The following ELAVL1 variants were observed in gnomAD, a reference collection of about 807,000 sequenced individuals.
The protein encoded by ELAVL1 is ELAV-like protein 1.
In ELAVL1, 1 loss-of-function variant was observed where a neutral mutation model predicts 28.4. The ratio of observed to expected loss-of-function variants is 0.04; its 90% CI spans 0.01 to 0.17. ELAVL1 has a LOEUF of 0.17. Among genes scored for constraint, ELAVL1 ranks in the 10% least tolerant of loss-of-function variants. The pLI is 1.00. For synonymous variants in ELAVL1, 174 were observed against 183.5 expected, an observed-to-expected ratio of 0.95 and a Z score of 0.42; for missense variants, 157 against 447.2, an observed-to-expected ratio of 0.35 and a Z score of 5.85.
At chr19:7,997,490 G>A (rs2081053569) in intron 1 of ELAVL1, among the ~76,000 whole-genome samples, 1 of 152,184 alleles carries the variant, frequency 6.6e-6, no homozygotes, top group Admixed American at 6.5e-5. Context: ...GGAGTGAGGG[G>A]AAAAGTCGAT....
rs1408661217 is a variant in ELAVL1 at position 7,967,445 on chromosome 19, T to C, written c.656+120A>G. The C allele has an allele frequency of 3.5e-6, 4 of 1,152,088 alleles. No individual in the cohort carries two copies. In the East Asian group the frequency reaches 7.7e-5, roughly 22 times the overall value. 71.4% of individuals were successfully genotyped at this position (1,152,088 alleles called of 1,614,324 possible). ...GTGGTGTGGAGCTGCAGAATGATTCTGAAACGCGCTCTCTGACGGGATCAG... is the reference window on the plus strand; with the variant it reads ...GTGGTGTGGAGCTGCAGAATGATTCCGAAACGCGCTCTCTGACGGGATCAG... On this transcript the variant is annotated intron_variant, in intron 5 of 5. Transcript: ENST00000407627.
At position 7,963,851 on chromosome 19, in the gene ELAVL1, G is replaced by A. The variant is rs779955268; in HGVS notation, c.657-44C>T. ...GCGTCAGGCCACGGTCAGCGCAGGC[G>A]GCCTGGGGATGGGGCAAGGCCTGGA... On this transcript the variant is annotated intron_variant, in intron 5 of 5. Coordinates refer to ENST00000407627, the MANE Select transcript of ELAVL1 (RefSeq NM_001419.3). The surrounding 1 kb of genome is among the most constrained non-coding windows in gnomAD (Gnocchi z 4.5). 4.3e-5 allele frequency: 68 copies of A among 1,585,074 alleles called. No individual in the cohort carries two copies. The highest frequency in any genetic ancestry group is 7.0e-5 in the Admixed American group (4 of 57,122).
chr19:7,964,289 C>G (rs1371212246), intron 5 of ELAVL1, among the ~76,000 whole-genome samples: 32 of 152,116 alleles, frequency 2.1e-4, no homozygotes, highest in Admixed American at 2.1e-3. Context: ...CGTTGACAGC[C>G]CAGTGGTCTC....
At chr19:7,991,909 G>C in intron 1 of ELAVL1, 78 bp from the exon 2 acceptor site, 1 of 1,099,382 alleles carries the variant, frequency 9.1e-7, no homozygotes, top group Admixed American at 3.1e-5. Flanking sequence ...AACTGCATTT[G>C]CACTTAGAGA....
intron 1 of ELAVL1, among the ~76,000 whole-genome samples, chr19:8,005,242 G>A (rs920018916): frequency 1.3e-5 from 2 of 151,792 alleles, no homozygotes; most frequent in African/African-American, 2.4e-5. Flanking sequence ...CCCGGCGCAT[G>A]CCCACGCCGT....
At position 7,959,370 on chromosome 19, in the gene ELAVL1, AAG is replaced by A. The variant is rs1241263799; in HGVS notation, c.*4111_*4112del. On this transcript the variant is annotated 3_prime_UTR_variant, in exon 6 of 6. Transcript: ENST00000407627. ...CTACTGTACAACATGGGAATCGGTT[AAG>A]AGAGCCTCCCCTCCCCCAAAGCAAG... 6.6e-6 allele frequency: 1 copy of A among 152,644 alleles called. No individual in the cohort carries two copies. The highest frequency in any genetic ancestry group is 2.4e-5 in the African/African-American group (1 of 41,442). 9.5% of individuals were successfully genotyped at this position (152,644 alleles called of 1,614,324 possible).
intron 2 of ELAVL1, among the ~76,000 whole-genome samples, chr19:7,989,606 A>G (rs1483263446): frequency 6.6e-6 from 1 of 152,240 alleles, no homozygotes; most frequent in Middle Eastern, 3.2e-3. Flanking sequence ...AGGAATATCA[A>G]GGAAAATTCC....
chr19:7,969,517 G>T (rs1192156973), intron 4 of ELAVL1, among the ~76,000 whole-genome samples: 1 of 152,168 alleles, frequency 6.6e-6, no homozygotes, highest in Non-Finnish European at 1.5e-5. Context: ...AATATTCTGG[G>T]GCTCAAGCTC....
intron 5 of ELAVL1, 31 bp downstream of exon 5, chr19:7,967,525 CTAAGTATGG>C: frequency 6.3e-7 from 1 of 1,599,364 alleles, no homozygotes; most frequent in Non-Finnish European, 8.5e-7. Flanking sequence ...GCCAGCGGGG[CTAAGTATGG>C]CTTTCAGGAG....
intron 1 of ELAVL1, among the ~76,000 whole-genome samples, chr19:7,992,392 T>G (rs577897123): frequency 6.6e-6 from 1 of 152,286 alleles, no homozygotes; most frequent in East Asian, 1.9e-4. Context: ...ACAGACTCCA[T>G]TCATGTGGTT....
chr19:7,980,156 T>TC (rs1283996499), intron 3 of ELAVL1, among the ~76,000 whole-genome samples: 1 of 152,126 alleles, frequency 6.6e-6, no homozygotes, highest in East Asian at 1.9e-4. Flanking sequence ...AGAGAGGGGA[T>TC]TCTGGCCGGG....
At chr19:8,001,399 C>T (rs767686884) in intron 1 of ELAVL1, among the ~76,000 whole-genome samples, 1 of 152,182 alleles carries the variant, frequency 6.6e-6, no homozygotes, top group African/African-American at 2.4e-5. Context: ...CCTGCCACCT[C>T]TCTGCCACCA....
In ELAVL1 at chr19:7,979,193, TGCAGAACTA is replaced by T. The variant is rs987025529; in HGVS notation, c.276+1881_276+1889del. Reference sequence around the variant, plus strand: ...CGTCCCCATGAGGCTGGCCTGTTTCTGCAGAACTAGGACAGTGGTGTGAAGCCACTGAGA... The same window carrying T: ...CGTCCCCATGAGGCTGGCCTGTTTCTGGACAGTGGTGTGAAGCCACTGAGA... On this transcript the variant is annotated intron_variant, in intron 3 of 5. Coordinates refer to ENST00000407627, the MANE Select transcript of ELAVL1 (RefSeq NM_001419.3). This position sits in a 1 kb window ranked among gnomAD's most constrained non-coding sequence, Gnocchi z 5.4. 1.3e-5 allele frequency among the ~76,000 whole-genome samples: 2 copies of T among 152,226 alleles called. No homozygotes were observed. Among genetic ancestry groups the T allele is most frequent in the Non-Finnish European group, 2.9e-5 (2 of 68,032 alleles).
intron 1 of ELAVL1, among the ~76,000 whole-genome samples, chr19:8,001,233 C>T (rs2081066802): frequency 6.6e-6 from 1 of 152,144 alleles, no homozygotes; most frequent in Non-Finnish European, 1.5e-5. Context: ...CATCTCCTCT[C>T]CTCCTGTCCT....
intron 5 of ELAVL1, among the ~76,000 whole-genome samples, chr19:7,967,141 T>C (rs1200797429): frequency 6.6e-6 from 1 of 151,864 alleles, no homozygotes; most frequent in African/African-American, 2.4e-5. Flanking sequence ...GCTCAAGCAA[T>C]CCTCCCACCT....
intron 4 of ELAVL1, among the ~76,000 whole-genome samples, chr19:7,972,586 C>T (rs190932699): frequency 4.6e-4 from 70 of 152,276 alleles, no homozygotes; most frequent in African/African-American, 1.6e-3. Flanking sequence ...ATGCCTGCAA[C>T]GAAAGCCACA....
rs947809517 is a variant in ELAVL1, at chr19:7,961,426, G to A, written c.*2057C>T. 1.3e-5 allele frequency: 2 copies of A among 152,092 alleles called. No homozygotes were observed. Among genetic ancestry groups the A allele is most frequent in the Non-Finnish European group, 2.9e-5 (2 of 68,008 alleles). The allele number at this position is 152,092 out of a possible 1,614,324, so 9.4% of individuals were successfully genotyped here. ...GGGTGTTGGCTCCCACCTTCCATCA[G>A]AAGGGTGTTGGCTCCCACCTTCCAT... On this transcript the variant is annotated 3_prime_UTR_variant, in exon 6 of 6. Transcript: ENST00000407627.
intron 5 of ELAVL1, among the ~76,000 whole-genome samples, chr19:7,965,848 A>T (rs1984942658): frequency 6.6e-6 from 1 of 152,070 alleles, no homozygotes; most frequent in South Asian, 2.1e-4. Context: ...GGATTTCTAG[A>T]GCTGGATTTT....
In ELAVL1 at chr19:7,963,206, A is replaced by G; in HGVS notation, c.*277T>C. 2.4e-6 allele frequency: 1 copy of G among 408,258 alleles called. No individual in the cohort carries two copies. Among genetic ancestry groups the G allele is most frequent in the Non-Finnish European group, 4.4e-6 (1 of 225,786 alleles). 25.3% of individuals were successfully genotyped at this position (408,258 alleles called of 1,614,324 possible). A position where few individuals can be genotyped will look rare whatever the true frequency, so the allele number is the denominator to read the frequency against. ...ATGCTTCAGGTTCACCACCATCCAG[A>G]GGGACTGGTTAGTCAATGCAGTTCT... On this transcript the variant is annotated 3_prime_UTR_variant, in exon 6 of 6. Coordinates refer to ENST00000407627, the MANE Select transcript of ELAVL1 (RefSeq NM_001419.3). This position sits in a 1 kb window ranked among gnomAD's most constrained non-coding sequence, Gnocchi z 4.5.
Sources: allele counts gnomAD v4.1 joint callset (sites outside exome capture counted in the v4.1 genomes callset), GRCh38; gene constraint gnomAD v4.1.1; non-coding constraint Gnocchi (gnomAD v3.1); transcripts MANE v1.5; gene names NCBI Gene and HGNC (gene_info 2026-07-23, HGNC 2026-07-21).